Variants in PCDH11X observed in about 807,000 individuals in gnomAD.
PCDH11X encodes protocadherin 11 X-linked, also known as protocadherin-11 X-linked.
Under a neutral mutation model 53.3 loss-of-function variants are expected in PCDH11X, and 18 were observed. The ratio of observed to expected loss-of-function variants is 0.34; its 90% CI spans 0.23 to 0.50. The LOEUF (loss-of-function observed/expected upper bound fraction) is 0.50. PCDH11X is among the 20% of genes least tolerant of loss of function. The pLI is 0.98. For missense variants in PCDH11X, 570 were observed against 1,032.4 expected (o/e 0.55, Z 6.14); for synonymous variants, 279 against 393.3 (o/e 0.71, Z 3.44).
chrX:92,296,165 T>C (rs953388747), intron 8 of PCDH11X, among the ~76,000 whole-genome samples: 1 of 111,262 alleles, frequency 9.0e-6, no homozygotes, highest in African/African-American at 3.3e-5. Flanking sequence ...GAATCAGTCT[T>C]GGATCCCTGG....
intron 8 of PCDH11X, among the ~76,000 whole-genome samples, chrX:92,307,352 GA>G (rs935748306): frequency 1.8e-5 from 2 of 109,776 alleles, no homozygotes; most frequent in African/African-American, 3.3e-5. Flanking sequence ...CAGAATGAAG[GA>G]AAAAAATTAT....
intron 10 of PCDH11X, among the ~76,000 whole-genome samples, chrX:92,499,900 T>A (rs2073932442): frequency 9.2e-6 from 1 of 108,203 alleles, no homozygotes; most frequent in Non-Finnish European, 1.9e-5. Context: ...GACCTTTACC[T>A]CCAAAAGGAA....
At chrX:92,306,316 A>G (rs2068826807) in intron 8 of PCDH11X, among the ~76,000 whole-genome samples, 2 of 105,966 alleles carry the variant, frequency 1.9e-5, no homozygotes, top group South Asian at 8.7e-4. Context: ...CTAGCTTTAC[A>G]TCATAAAGAA....
intron 8 of PCDH11X, among the ~76,000 whole-genome samples, chrX:92,375,167 T>TATATATATATATATATATATA (rs1491474868): frequency 4.1e-4 from 3 of 7,372 alleles, no homozygotes; most frequent in African/African-American, 7.0e-4. Context: ...TATATATATA[T>TATATATATATATATATATATA]TTTTTTTTTT....
At chrX:92,254,874 T>C (rs1440531667) in intron 7 of PCDH11X, among the ~76,000 whole-genome samples, 31 of 107,287 alleles carry the variant, frequency 2.9e-4, no homozygotes, top group African/African-American at 1.1e-3. Flanking sequence ...GCCCTTAACA[T>C]TTTTTCCTTC....
intron 7 of PCDH11X, among the ~76,000 whole-genome samples, chrX:92,215,229 C>T (rs890448427): frequency 2.4e-4 from 26 of 109,988 alleles, no homozygotes; most frequent in African/African-American, 6.9e-4. Flanking sequence ...GCACCGTGCG[C>T]GAGGTGAAGC....
intron 6 of PCDH11X, among the ~76,000 whole-genome samples, chrX:92,085,134 T>G (rs2063928681): frequency 1.8e-5 from 2 of 110,945 alleles, no homozygotes; most frequent in South Asian, 3.8e-4. Context: ...ATCACCTGAT[T>G]GGCTAGAGCT....
At chrX:92,338,748 G>A (rs1344944437) in intron 8 of PCDH11X, among the ~76,000 whole-genome samples, 2 of 111,671 alleles carry the variant, frequency 1.8e-5, no homozygotes, top group Non-Finnish European at 3.8e-5. Context: ...CAATTACTCT[G>A]CGTAAGTGGC....
At chrX:92,580,560 C>T (rs1387262128) in intron 10 of PCDH11X, among the ~76,000 whole-genome samples, 3 of 110,284 alleles carry the variant, frequency 2.7e-5, no homozygotes, top group Non-Finnish European at 3.8e-5. Flanking sequence ...GAATTTCTTC[C>T]GGTCCAAGCA....
chrX:91,916,611 G>A (rs1941572773), intron 6 of PCDH11X, among the ~76,000 whole-genome samples: 1 of 109,936 alleles, frequency 9.1e-6, no homozygotes, highest in East Asian at 2.9e-4. Context: ...ACCCTCCCAC[G>A]TTAAATTGGG....
intron 7 of PCDH11X, among the ~76,000 whole-genome samples, chrX:92,261,648 T>C (rs116043402): frequency 0.12 from 13,326 of 111,855 alleles, 1,200 homozygotes; most frequent in African/African-American, 0.3. Flanking sequence ...AAAAAAAATC[T>C]TTTGTGTTTC....
intron 6 of PCDH11X, among the ~76,000 whole-genome samples, chrX:92,137,264 G>T (rs977934811): frequency 1.8e-5 from 2 of 111,219 alleles, no homozygotes; most frequent in South Asian, 3.7e-4. Context: ...AAACTTGGTT[G>T]ATTTCTGTTA....
chrX:91,852,440 T>C (rs1938085927), intron 5 of PCDH11X, among the ~76,000 whole-genome samples: 1 of 109,398 alleles, frequency 9.1e-6, no homozygotes, highest in African/African-American at 3.3e-5. Flanking sequence ...TTTGCACAAA[T>C]GATTCTAATG....
At chrX:92,525,918 G>A (rs2074445334) in intron 10 of PCDH11X, among the ~76,000 whole-genome samples, 1 of 111,039 alleles carries the variant, frequency 9.0e-6, no homozygotes, top group South Asian at 3.8e-4. Flanking sequence ...TAAACACGGA[G>A]TGCTACCGGG....
intron 8 of PCDH11X, among the ~76,000 whole-genome samples, chrX:92,279,118 A>G (rs1327450269): frequency 4.5e-5 from 5 of 111,756 alleles, no homozygotes; most frequent in Non-Finnish European, 9.4e-5. Context: ...GCCTCTTTTT[A>G]GCTTTTGTCA....
At chrX:92,276,598 G>A (rs1006799332) in intron 8 of PCDH11X, among the ~76,000 whole-genome samples, 1 of 111,157 alleles carries the variant, frequency 9.0e-6, no homozygotes, top group Non-Finnish European at 1.9e-5. Context: ...GTTCTTGTGT[G>A]CTGGAGATGT....
chrX:92,081,910 A>C (rs2063863378), intron 6 of PCDH11X, among the ~76,000 whole-genome samples: 1 of 111,730 alleles, frequency 9.0e-6, no homozygotes, highest in Admixed American at 9.5e-5. Context: ...ATAAATACTG[A>C]ATAGAATGGC....
intron 8 of PCDH11X, among the ~76,000 whole-genome samples, chrX:92,357,484 G>A (rs1327133052): frequency 9.2e-6 from 1 of 108,583 alleles, no homozygotes; most frequent in African/African-American, 3.4e-5. Flanking sequence ...GCCTTTGGGA[G>A]GTGATTAGGT....
intron 5 of PCDH11X, among the ~76,000 whole-genome samples, chrX:91,838,150 AACT>A (rs1279403581): frequency 8.9e-6 from 1 of 111,752 alleles, no homozygotes; most frequent in Non-Finnish European, 1.9e-5. Context: ...CAGCTTAATG[AACT>A]TCCAAGAAAT....
Sources: gnomAD v4.1 joint callset for allele counts (sites outside exome capture counted in the v4.1 genomes callset) on GRCh38, gnomAD v4.1.1 for gene constraint, MANE v1.5 for transcripts, NCBI Gene and HGNC (gene_info 2026-07-23, HGNC 2026-07-21) for gene names.